The following CELF2 variants were observed in gnomAD, a reference collection of about 807,000 sequenced individuals.
The protein encoded by CELF2 is CUG triplet repeat RNA-binding protein 2.
A neutral mutation model predicts 62.6 loss-of-function variants in CELF2; 8 were observed. The ratio of observed to expected loss-of-function variants is 0.13; its 90% CI spans 0.07 to 0.23. The LOEUF is 0.23. CELF2 is among the 10% of genes least tolerant of loss of function. The pLI, the probability that CELF2 is intolerant of heterozygous loss-of-function variation, is 1.00. For synonymous variants in CELF2, 258 were observed against 250.0 expected (o/e 1.03, Z -0.30); for missense variants, 333 against 671.0 (o/e 0.50, Z 5.56).
At chr10:11,236,149 A>G (rs1054452165) in intron 3 of CELF2, among the ~76,000 whole-genome samples, 1 of 152,250 alleles carries the variant, frequency 6.6e-6, no homozygotes, top group Non-Finnish European at 1.5e-5. Context: ...AAACTAAGCT[A>G]TGGGAGGATC....
At chr10:11,006,038 G>A (rs1231360305) in intron 1 of CELF2, among the ~76,000 whole-genome samples, 1 of 152,136 alleles carries the variant, frequency 6.6e-6, no homozygotes, top group Non-Finnish European at 1.5e-5. Context: ...TGTGTTGGGG[G>A]TTCTCTCACA....
At chr10:10,834,043 C>G (rs1031436035) in intron 1 of CELF2, among the ~76,000 whole-genome samples, 1 of 152,156 alleles carries the variant, frequency 6.6e-6, no homozygotes, top group African/African-American at 2.4e-5. Flanking sequence ...TTCACAATAG[C>G]AAAGACACGG....
At chr10:11,013,823 G>C (rs1330212221), upstream of CELF2, among the ~76,000 whole-genome samples, 2 of 152,188 alleles carry the variant, frequency 1.3e-5, no homozygotes, top group African/African-American at 4.8e-5. The surrounding 1 kb of genome is among the most constrained non-coding windows in gnomAD (Gnocchi z 4.1). Flanking sequence ...TTTAAGTGAT[G>C]TCATTACGGA....
intron 8 of CELF2, among the ~76,000 whole-genome samples, chr10:11,284,831 TAATG>T (rs974833899): frequency 7.5e-5 from 11 of 146,826 alleles, no homozygotes; most frequent in Admixed American, 6.1e-4. Context: ...GGTGGGAGAA[TAATG>T]GATGGATGGG....
rs1045012571 is a variant in CELF2 at position 11,316,409 on chromosome 10, C to G, written c.1096+2151C>G. Among the ~76,000 whole-genome samples the G allele has an allele frequency of 1.3e-5, 2 of 152,204 alleles. No individual in the cohort carries two copies. ...GTTTTACAATCTCCAGCATTGACCT[C>G]GAGCTAATATTTGCTGCTTGTCTCT... On this transcript the variant is annotated intron_variant, in intron 10 of 12. Transcript: ENST00000633077. The surrounding 1 kb of genome is among the most constrained non-coding windows in gnomAD (Gnocchi z 4.4).
the CELF2 span, among the ~76,000 whole-genome samples, chr10:10,506,670 ATT>A: frequency 1.5e-4 from 10 of 64,568 alleles, no homozygotes; most frequent in African/African-American, 5.2e-4. Context: ...CCTCCTGTGA[ATT>A]TTTTTTTTTT....
At chr10:10,551,315 G>C in the CELF2 span, among the ~76,000 whole-genome samples, 4 of 152,130 alleles carry the variant, frequency 2.6e-5, no homozygotes, top group African/African-American at 9.7e-5. Flanking sequence ...GAATGGATCA[G>C]TGCAGCTCAA....
At chr10:10,747,322 C>A in the CELF2 span, among the ~76,000 whole-genome samples, 2 of 152,080 alleles carry the variant, frequency 1.3e-5, no homozygotes, top group African/African-American at 4.8e-5. Context: ...GTAAAACACA[C>A]AAAAAATTGA....
At chr10:11,186,109 C>G (rs2074799593) in intron 2 of CELF2, among the ~76,000 whole-genome samples, 1 of 152,110 alleles carries the variant, frequency 6.6e-6, no homozygotes, top group South Asian at 2.1e-4. Flanking sequence ...AGTTTATTGT[C>G]ATAAAACTGT....
At chr10:11,174,552 T>C (rs560766185) in intron 2 of CELF2, among the ~76,000 whole-genome samples, 3 of 152,362 alleles carry the variant, frequency 2.0e-5, no homozygotes, top group Admixed American at 2.0e-4. Flanking sequence ...ATATAATTTC[T>C]CTATTTCTAC....
chr10:10,809,538 C>G (rs2055621506), intron 1 of CELF2, among the ~76,000 whole-genome samples: 1 of 152,166 alleles, frequency 6.6e-6, no homozygotes, highest in Admixed American at 6.5e-5. Flanking sequence ...CTTAGCAGAA[C>G]CTAATAATCT....
At chr10:10,683,701 A>G in the CELF2 span, among the ~76,000 whole-genome samples, 1 of 152,248 alleles carries the variant, frequency 6.6e-6, no homozygotes, top group Non-Finnish European at 1.5e-5. Flanking sequence ...CATTGCGTGG[A>G]TAGCAGTTGT....
the CELF2 span, among the ~76,000 whole-genome samples, chr10:10,580,089 A>G: frequency 6.6e-6 from 1 of 152,186 alleles, no homozygotes; most frequent in Non-Finnish European, 1.5e-5. Context: ...AAATGTATTT[A>G]AAGAAAGTTT....
chr10:10,465,317 G>A, the CELF2 span, among the ~76,000 whole-genome samples: 1 of 152,090 alleles, frequency 6.6e-6, no homozygotes, highest in African/African-American at 2.4e-5. Flanking sequence ...AATGTAGTAA[G>A]AAATGCAGCA....
At chr10:11,134,487 G>A (rs2060110771) in intron 1 of CELF2, among the ~76,000 whole-genome samples, 1 of 152,190 alleles carries the variant, frequency 6.6e-6, no homozygotes, top group Admixed American at 6.5e-5. Flanking sequence ...GATTGGACAT[G>A]GACTGTGTTC....
At chr10:10,754,377 T>C in the CELF2 span, among the ~76,000 whole-genome samples, 1 of 152,034 alleles carries the variant, frequency 6.6e-6, no homozygotes, top group Non-Finnish European at 1.5e-5. Context: ...GTCTCAAACT[T>C]CCGGACTTGA....
rs917924186 is a variant in CELF2 at position 11,220,057 on chromosome 10, A to G, written c.354+2550A>G. Among the ~76,000 whole-genome samples the G allele has an allele frequency of 3.9e-5, 6 of 152,220 alleles. No individual in the cohort carries two copies. The highest frequency in any genetic ancestry group is 1.3e-4 in the Admixed American group (2 of 15,284). ...TGATGCACTTTGCCATATGCCTTCAATTTCTTTCTGAATAAAACTAAAAGT... is the reference window on the plus strand; with the variant it reads ...TGATGCACTTTGCCATATGCCTTCAGTTTCTTTCTGAATAAAACTAAAAGT... On this transcript the variant is annotated intron_variant, in intron 3 of 12. Transcript: ENST00000633077. This position sits in a 1 kb window ranked among gnomAD's most constrained non-coding sequence, Gnocchi z 4.4.
chr10:10,553,890 G>GGAGCT, the CELF2 span, among the ~76,000 whole-genome samples: 1 of 152,148 alleles, frequency 6.6e-6, no homozygotes, highest in East Asian at 1.9e-4. Flanking sequence ...AGCCCTAGGA[G>GGAGCT]GAGCTGTGGT....
chr10:11,027,063 A>G (rs192621479), intron 1 of CELF2, among the ~76,000 whole-genome samples: 250 of 152,140 alleles, frequency 1.6e-3, no homozygotes, highest in African/African-American at 5.7e-3. Context: ...GCAATTAGTC[A>G]CTTCAGTCCA....
Sources: gnomAD v4.1 joint callset for allele counts (sites outside exome capture counted in the v4.1 genomes callset) on GRCh38, gnomAD v4.1.1 for gene constraint, Gnocchi (gnomAD v3.1) non-coding constraint, MANE v1.5 for transcripts, NCBI Gene and HGNC (gene_info 2026-07-23, HGNC 2026-07-21) for gene names.